Variants in PRPF8 observed in about 807,000 individuals in gnomAD.
PRPF8 encodes the protein pre-mRNA processing factor 8.
A neutral mutation model predicts 285.9 loss-of-function variants in PRPF8; 64 were observed. That is an observed-to-expected ratio of 0.22 (90% CI 0.18 to 0.28). The LOEUF is 0.28. Among genes scored for constraint, PRPF8 ranks in the 10% least tolerant of loss-of-function variants. PRPF8 has a pLI of 1.00. For synonymous variants in PRPF8, 1,325 were observed against 1,118.2 expected, an observed-to-expected ratio of 1.18 and a Z score of -3.69; for missense variants, 1,426 against 3,026.7, an observed-to-expected ratio of 0.47 and a Z score of 12.41.
At chr17:1,684,622 C>A (rs368271959) in intron 1 of PRPF8, 40 bp from the exon 2 acceptor site, 1 of 1,589,466 alleles carries the variant, frequency 6.3e-7, no homozygotes, top group Non-Finnish European at 8.6e-7. Context: ...TAACCACAGG[C>A]CCGGGCCCAC....
In PRPF8 at chr17:1,658,954, A is replaced by G. The variant is rs145012576; in HGVS notation, c.5139-191T>C. 8.1e-5 allele frequency: 56 copies of G among 695,644 alleles called. No homozygotes were observed. The East Asian group carries it at 1.4e-3, about 18-fold the overall frequency. 43.1% of individuals were successfully genotyped at this position (695,644 alleles called of 1,614,324 possible). A position where few individuals can be genotyped will look rare whatever the true frequency, so the allele number is the denominator to read the frequency against. On this transcript the variant is annotated intron_variant, in intron 32 of 42. Coordinates refer to ENST00000304992, the MANE Select transcript of PRPF8 (RefSeq NM_006445.4). The surrounding 1 kb of genome is among the most constrained non-coding windows in gnomAD (Gnocchi z 4.1). ...ATGGGCCACTTCCTCTCACTTAGGT[A>G]AAGTAAAAAAGTATGACTACGTTAA... is the stretch of plus-strand genomic sequence containing the variant.
rs907976201 is a variant in PRPF8, at chr17:1,674,735, CAG to C, written c.3061-57_3061-56del. 4.5e-5 allele frequency: 70 copies of C among 1,547,772 alleles called. No homozygotes were observed. The African/African-American group carries it at 8.5e-4, about 19-fold the overall frequency. ...ATGTGAGCCATGCCCCAGGATTCTC[CAG>C]AGTTAACCTCTTTTGTTCTCCCCTC... On this transcript the variant is annotated intron_variant, in intron 20 of 42. Transcript: ENST00000304992.
At chr17:1,665,552 G>A (rs113270990) in intron 24 of PRPF8, among the ~76,000 whole-genome samples, 10,166 of 147,198 alleles carry the variant, frequency 0.069, 1,186 homozygotes, top group African/African-American at 0.24. Flanking sequence ...AAAAAAAAAC[G>A]AGAAAGGTCA....
At chr17:1,654,115 A>G (rs1261616014) in intron 37 of PRPF8, 99 bp from the exon 38 acceptor site, 30 of 1,563,908 alleles carry the variant, frequency 1.9e-5, no homozygotes, top group East Asian at 2.2e-5. Context: ...GACAGCCTAT[A>G]CTCACGCCCC....
chr17:1,673,062 G>A lies in PRPF8; in HGVS notation c.3774+19C>T. On this transcript the variant is annotated intron_variant, in intron 24 of 42. Coordinates refer to ENST00000304992, the MANE Select transcript of PRPF8 (RefSeq NM_006445.4). The surrounding 1 kb of genome is among the most constrained non-coding windows in gnomAD (Gnocchi z 5.5). ...GACAGCAGAGGACAAGAGGGAAGCT[G>A]GGCATGACGGCCCTGTACCTTGGTG... The A allele has an allele frequency of 5.0e-6, 8 of 1,608,562 alleles. No individual in the cohort carries two copies. Among genetic ancestry groups the A allele is most frequent in the Non-Finnish European group, 6.8e-6 (8 of 1,174,926 alleles).
At chr17:1,660,386 C>T (rs1911618276) in intron 30 of PRPF8, 46 bp downstream of exon 30, 1 of 1,612,704 alleles carries the variant, frequency 6.2e-7, no homozygotes, top group Non-Finnish European at 8.5e-7. Context: ...TCAATTCCAC[C>T]TGAGCTGACT....
Position 1,675,508 on chromosome 17 carries a change from T to C in PRPF8, c.2872+112A>G. 1 of 1,488,056 alleles carries C rather than the reference T, an allele frequency of 6.7e-7. No homozygotes were observed. Among genetic ancestry groups the C allele is most frequent in the African/African-American group, 1.4e-5 (1 of 72,120 alleles). 92.2% of individuals were successfully genotyped at this position (1,488,056 alleles called of 1,614,324 possible). A position where few individuals can be genotyped will look rare whatever the true frequency, so the allele number is the denominator to read the frequency against. On this transcript the variant is annotated intron_variant, in intron 19 of 42. Transcript: ENST00000304992. The surrounding 1 kb of genome is among the most constrained non-coding windows in gnomAD (Gnocchi z 6.0). ...CAGTTTAACACGAACACTACTTCCC[T>C]TTACTACCACGCATCAAGAGAGTAA... is the stretch of plus-strand genomic sequence containing the variant.
rs1356427420 is a variant in PRPF8, at chr17:1,655,106, C to T, written c.5987+244G>A. ...CCGAGTAGCTGGGATTACAGGTAGG[C>T]GCCATCGCACCCGGCTAACTTTTGT... On this transcript the variant is annotated intron_variant, in intron 37 of 42. Coordinates refer to ENST00000304992, the MANE Select transcript of PRPF8 (RefSeq NM_006445.4). 3.9e-5 allele frequency: 19 copies of T among 482,502 alleles called. 1 individual carries two copies. The highest frequency in any genetic ancestry group is 3.5e-4 in the South Asian group (17 of 48,728). 29.9% of individuals were successfully genotyped at this position (482,502 alleles called of 1,614,324 possible).
At chr17:1,677,245 T>C in intron 14 of PRPF8, 73 bp from the exon 15 acceptor site, 1 of 1,387,282 alleles carries the variant, frequency 7.2e-7, no homozygotes. Context: ...ACCTTCATGC[T>C]CCTCACTCAT....
Position 1,661,702 on chromosome 17 carries a change from A to G in PRPF8, c.4111T>C (p.Tyr1371His). The change falls in exon 26 of 43, where the codon TAC (tyrosine) becomes CAC (histidine). Residue 1371 changes from tyrosine (Y) to histidine (H), a missense_variant. By Grantham distance (83) the Tyr-to-His change is moderately conservative (BLOSUM62 2). Around this residue, in one of 34 missense-constraint regions of PRPF8, gnomAD observed 40 missense variants for 121.6 expected, o/e 0.33. Coordinates refer to ENST00000304992, the MANE Select transcript of PRPF8 (RefSeq NM_006445.4). The surrounding 1 kb of genome is among the most constrained non-coding windows in gnomAD (Gnocchi z 7.3). Reference protein sequence around the residue: ...EDQLIPNLYRYIQPWESEFID... With the variant: ...EDQLIPNLYRHIQPWESEFID... ...AACTCGCTCTCCCATGGCTGTATGTAGCGGTACAAGTTGGGAATGAGCTGG... is the reference window on the plus strand; with the variant it reads ...AACTCGCTCTCCCATGGCTGTATGTGGCGGTACAAGTTGGGAATGAGCTGG... The G allele has an allele frequency of 6.2e-7, 1 of 1,614,234 alleles. No individual in the cohort carries two copies. Among genetic ancestry groups the G allele is most frequent in the Non-Finnish European group, 8.5e-7 (1 of 1,180,052 alleles).
At chr17:1,671,018 T>C (rs768968372) in intron 24 of PRPF8, among the ~76,000 whole-genome samples, 1 of 152,046 alleles carries the variant, frequency 6.6e-6, no homozygotes, top group Non-Finnish European at 1.5e-5. Context: ...AGGTGTGCGA[T>C]GCCCTCCATG....
At chr17:1,670,425 ACTT>A (rs1270774721) in intron 24 of PRPF8, among the ~76,000 whole-genome samples, 1 of 152,198 alleles carries the variant, frequency 6.6e-6, no homozygotes, top group African/African-American at 2.4e-5. Context: ...TTATCTGCTA[ACTT>A]CTTATCAAAT....
Position 1,651,457 on chromosome 17 carries a change from T to C in PRPF8, c.6607A>G (p.Asn2203Asp). The change falls in exon 41 of 43, where the codon AAC becomes GAC. Residue 2203 changes from asparagine to aspartate, a missense_variant. By Grantham distance (23) the Asn-to-Asp change is conservative. This residue lies in a region of PRPF8 where 160 missense variants were observed against 373.7 expected (regional missense o/e 0.43). Coordinates refer to ENST00000304992, the MANE Select transcript of PRPF8 (RefSeq NM_006445.4). The surrounding 1 kb of genome is among the most constrained non-coding windows in gnomAD (Gnocchi z 5.1). ...GTCTTCTCGCCATCCCAAGATGGGT[T>C]GTCAGCCATGATCTTGGCATGGGTG... ...VTTHAKIMAD[N>D]PSWDGEKTII... 2 of 1,614,196 alleles carry C rather than the reference T, an allele frequency of 1.2e-6. No homozygotes were observed. The highest frequency in any genetic ancestry group is 1.7e-6 in the Non-Finnish European group (2 of 1,180,028).
At chr17:1,665,927 G>A (rs1033950593) in intron 24 of PRPF8, among the ~76,000 whole-genome samples, 3 of 150,300 alleles carry the variant, frequency 2.0e-5, no homozygotes, top group African/African-American at 4.9e-5. Context: ...TTGGGAGGCC[G>A]AGGCAAGCTG....
Position 1,654,403 on chromosome 17 carries a change from G to A in PRPF8, c.5988-387C>T, listed in dbSNP as rs181290529. The A allele has an allele frequency of 1.7e-3, 641 of 379,748 alleles. 1 individual carries two copies. Among genetic ancestry groups the A allele is most frequent in the Middle Eastern group, 8.3e-3 (10 of 1,198 alleles). 23.5% of individuals were successfully genotyped at this position (379,748 alleles called of 1,614,324 possible). On this transcript the variant is annotated intron_variant, in intron 37 of 42. Coordinates refer to ENST00000304992, the MANE Select transcript of PRPF8 (RefSeq NM_006445.4). Reference sequence around the variant, plus strand: ...TTTGGTTGCCACGATGACAGGGAGGGAGACGAGGGGAGGAAGGTGTGTGTG... The same window carrying A: ...TTTGGTTGCCACGATGACAGGGAGGAAGACGAGGGGAGGAAGGTGTGTGTG...
At chr17:1,666,909 T>C (rs1373111768) in intron 24 of PRPF8, among the ~76,000 whole-genome samples, 1 of 152,158 alleles carries the variant, frequency 6.6e-6, no homozygotes, top group East Asian at 1.9e-4. Flanking sequence ...GTGCGGTGGC[T>C]CATGCCTGTA....
In PRPF8 at chr17:1,660,878, A is replaced by C. The variant is rs999153415; in HGVS notation, c.4509-51T>G. 74 of 1,612,834 alleles carry C rather than the reference A, an allele frequency of 4.6e-5. No homozygotes were observed. The Admixed American group carries it at 1.2e-3, about 26-fold the overall frequency. On this transcript the variant is annotated intron_variant, in intron 28 of 42. Transcript: ENST00000304992. Reference sequence around the variant, plus strand: ...GTGATATCCTGCCATTTCCCAGCACACTGCTAACCTCCTGGAGGTGGCTGT... The same window carrying C: ...GTGATATCCTGCCATTTCCCAGCACCCTGCTAACCTCCTGGAGGTGGCTGT...
chr17:1,666,215 T>C (rs1042486894), intron 24 of PRPF8, among the ~76,000 whole-genome samples: 7 of 150,762 alleles, frequency 4.6e-5, no homozygotes, highest in African/African-American at 1.7e-4. Flanking sequence ...ACCTTTTACC[T>C]TAACAAACTA....
chr17:1,654,365 C>T (rs1597226609), intron 37 of PRPF8: 1 of 446,324 alleles, frequency 2.2e-6, no homozygotes, highest in East Asian at 4.5e-5. Context: ...TTGTCCGTCA[C>T]CCTATGGATA....
Sources: allele counts gnomAD v4.1 joint callset (sites outside exome capture counted in the v4.1 genomes callset), GRCh38; gene constraint gnomAD v4.1.1; regional missense constraint gnomAD v4.1.1; non-coding constraint Gnocchi (gnomAD v3.1); transcripts MANE v1.5; gene names NCBI Gene and HGNC (gene_info 2026-07-23, HGNC 2026-07-21).